Variants in ATP6V1A observed in about 807,000 individuals in gnomAD.
ATP6V1A encodes the protein ATPase H+ transporting V1 subunit A, also known as V-type proton ATPase catalytic subunit A.
ATP6V1A carries 18 observed loss-of-function variants against 70.1 expected under a neutral mutation model. The observed-to-expected ratio is 0.26, with a 90% CI of 0.18 to 0.38. The LOEUF is 0.38. ATP6V1A is among the 10% of genes least tolerant of loss of function. ATP6V1A has a pLI of 1.00. For synonymous variants in ATP6V1A, 232 were observed against 253.8 expected (o/e 0.91, Z 0.82); for missense variants, 424 against 772.4 (o/e 0.55, Z 5.35).
intron 1 of ATP6V1A, among the ~76,000 whole-genome samples, chr3:113,768,052 A>T (rs1708793647): frequency 6.6e-6 from 1 of 152,224 alleles, no homozygotes; most frequent in African/African-American, 2.4e-5. Context: ...TCCCAGTTTA[A>T]GTGTCCACCC....
At chr3:113,763,402 A>G (rs1708729416) in intron 1 of ATP6V1A, among the ~76,000 whole-genome samples, 1 of 152,208 alleles carries the variant, frequency 6.6e-6, no homozygotes, top group Admixed American at 6.5e-5. Context: ...ATGTATTCTT[A>G]TAGAGTAGCT....
Position 113,810,652 on chromosome 3 carries a change from A to C in ATP6V1A, c.*1225A>C, listed in dbSNP as rs1709331582. ...GAATCATGTGGCAAGTGTGATGGGCAGTAAAATACCAGAGAAGATGTTTAG... is the reference window on the plus strand; with the variant it reads ...GAATCATGTGGCAAGTGTGATGGGCCGTAAAATACCAGAGAAGATGTTTAG... On this transcript the variant is annotated 3_prime_UTR_variant, in exon 15 of 15. Transcript: ENST00000273398. 6.6e-6 allele frequency: 1 copy of C among 152,226 alleles called. No individual in the cohort carries two copies. Among genetic ancestry groups the C allele is most frequent in the African/African-American group, 2.4e-5 (1 of 41,458 alleles). The allele number at this position is 152,226 out of a possible 1,614,324, so 9.4% of individuals were successfully genotyped here. A position where few individuals can be genotyped will look rare whatever the true frequency, so the allele number is the denominator to read the frequency against.
chr3:113,783,888 A>G (rs1387803577), intron 3 of ATP6V1A, among the ~76,000 whole-genome samples: 1 of 152,220 alleles, frequency 6.6e-6, no homozygotes, highest in East Asian at 1.9e-4. Flanking sequence ...GGGCATATAC[A>G]TTCATGAGAA....
intron 12 of ATP6V1A, among the ~76,000 whole-genome samples, chr3:113,801,928 A>AAC (rs1559760909): frequency 6.6e-6 from 1 of 151,756 alleles, no homozygotes; most frequent in African/African-American, 2.4e-5. Context: ...CAAAAAAAAA[A>AAC]AAAACAAAAC....
intron 12 of ATP6V1A, among the ~76,000 whole-genome samples, chr3:113,799,727 G>A (rs1226802071): frequency 6.6e-6 from 1 of 152,150 alleles, no homozygotes; most frequent in Non-Finnish European, 1.5e-5. Flanking sequence ...GATAAACACA[G>A]ATCAAGAGAA....
chr3:113,780,591 A>C, intron 2 of ATP6V1A: 1 of 390,610 alleles, frequency 2.6e-6, no homozygotes, highest in Non-Finnish European at 4.4e-6. Flanking sequence ...ATTAGAAAGT[A>C]AACATGTTGC....
intron 1 of ATP6V1A, among the ~76,000 whole-genome samples, chr3:113,765,226 CT>C (rs200411192): frequency 1.3e-5 from 2 of 151,740 alleles, no homozygotes; most frequent in South Asian, 2.1e-4. Context: ...GATGTTTTAT[CT>C]TTTTTTTGGC....
At chr3:113,774,773 A>G (rs993719889) in intron 1 of ATP6V1A, among the ~76,000 whole-genome samples, 5 of 151,714 alleles carry the variant, frequency 3.3e-5, no homozygotes, top group Admixed American at 6.6e-5. Flanking sequence ...AGATTGCACC[A>G]CTGCACTCCA....
chr3:113,786,108 T>C, intron 5 of ATP6V1A, 124 bp from the exon 6 acceptor site: 2 of 645,264 alleles, frequency 3.1e-6, no homozygotes, highest in Non-Finnish European at 4.6e-6. Flanking sequence ...ATAAAAAGTA[T>C]AAATCTCCCT....
intron 1 of ATP6V1A, among the ~76,000 whole-genome samples, chr3:113,767,129 G>A (rs916873372): frequency 7.0e-6 from 1 of 143,710 alleles, no homozygotes; most frequent in African/African-American, 2.6e-5. Context: ...TCTTGCTCTG[G>A]CGCCCAGACT....
At chr3:113,773,404 G>A (rs890477219) in intron 1 of ATP6V1A, among the ~76,000 whole-genome samples, 1 of 152,076 alleles carries the variant, frequency 6.6e-6, no homozygotes, top group Admixed American at 6.5e-5. Context: ...TTCCTAAAGT[G>A]TGCCGTCTTT....
At chr3:113,797,714 G>A (rs1056510136) in intron 11 of ATP6V1A, among the ~76,000 whole-genome samples, 4 of 152,114 alleles carry the variant, frequency 2.6e-5, no homozygotes, top group African/African-American at 7.2e-5. Flanking sequence ...TTTTAAATTC[G>A]ATTTGTAGGT....
intron 1 of ATP6V1A, among the ~76,000 whole-genome samples, chr3:113,764,686 A>G (rs530937370): frequency 8.5e-5 from 13 of 152,290 alleles, no homozygotes; most frequent in African/African-American, 3.1e-4. Flanking sequence ...TTGTAACCTG[A>G]AATCAGGAAA....
intron 1 of ATP6V1A, among the ~76,000 whole-genome samples, chr3:113,776,630 C>G (rs1173224172): frequency 6.6e-6 from 1 of 152,222 alleles, no homozygotes; most frequent in Non-Finnish European, 1.5e-5. Context: ...CCTGCCTCCC[C>G]TACTTTAATT....
chr3:113,788,025 A>G (rs569963188), intron 6 of ATP6V1A, among the ~76,000 whole-genome samples: 1 of 152,292 alleles, frequency 6.6e-6, no homozygotes, highest in Admixed American at 6.5e-5. Flanking sequence ...GACTCCAGTT[A>G]TCCTCCTGCC....
At chr3:113,762,584 A>G (rs1225948004) in intron 1 of ATP6V1A, among the ~76,000 whole-genome samples, 1 of 152,038 alleles carries the variant, frequency 6.6e-6, no homozygotes, top group Admixed American at 6.6e-5. Flanking sequence ...AAAAAATGGT[A>G]AAGTCATTTC....
At chr3:113,784,489 G>C in intron 4 of ATP6V1A, 51 bp downstream of exon 4, 1 of 1,519,826 alleles carries the variant, frequency 6.6e-7, no homozygotes, top group South Asian at 1.2e-5. Flanking sequence ...AATATAAAAT[G>C]AATGTTTAGT....
At position 113,794,849 on chromosome 3, in the gene ATP6V1A, T is replaced by C. The variant is rs117279588; in HGVS notation, c.989-23T>C. The C allele has an allele frequency of 5.5e-4, 871 of 1,590,364 alleles. 11 individuals carry two copies. The East Asian group carries it at 0.016, about 29-fold the overall frequency. ...TTTTATATGCTAGCATTGTAACTTA[T>C]AATAATATTCTTCCCAATTTAGGAA... is the stretch of plus-strand genomic sequence containing the variant. On this transcript the variant is annotated intron_variant, in intron 8 of 14. Coordinates refer to ENST00000273398, the MANE Select transcript of ATP6V1A (RefSeq NM_001690.4).
intron 1 of ATP6V1A, among the ~76,000 whole-genome samples, chr3:113,764,998 G>GAAA (rs36088874): frequency 1.8e-5 from 2 of 113,520 alleles, no homozygotes; most frequent in African/African-American, 3.3e-5. Context: ...TGTCTTAATT[G>GAAA]AAAAAAAAAA....
Sources: allele counts gnomAD v4.1 joint callset (sites outside exome capture counted in the v4.1 genomes callset), GRCh38; gene constraint gnomAD v4.1.1; transcripts MANE v1.5; gene names NCBI Gene and HGNC (gene_info 2026-07-23, HGNC 2026-07-21).